CDK12: variants seen among roughly 807,000 people sequenced by gnomAD.
The protein encoded by CDK12 is cyclin-dependent kinase 12.
In CDK12, 17 loss-of-function variants were observed where a neutral mutation model predicts 133.8. The ratio of observed to expected loss-of-function variants is 0.13; its 90% CI spans 0.09 to 0.19. The LOEUF (loss-of-function observed/expected upper bound fraction) is 0.19, where lower values mean the gene tolerates loss of function less well. Ranked by LOEUF, CDK12 falls within the 10% of genes least tolerant of loss-of-function variation. The probability of loss-of-function intolerance (pLI) is 1.00; values close to 1 mark genes in which losing one functional copy is unlikely to be tolerated. For missense variants in CDK12, 1,508 were observed against 1,818.7 expected (o/e 0.83, Z 3.11); for synonymous variants, 694 against 683.6 (o/e 1.02, Z -0.24).
At chr17:39,523,475 CAAAAG>C (rs1011237203) in intron 11 of CDK12, among the ~76,000 whole-genome samples, 1 of 151,200 alleles carries the variant, frequency 6.6e-6, no homozygotes, top group Non-Finnish European at 1.5e-5. Flanking sequence ...GACTCTGTCT[CAAAAG>C]AAAAAGAAAA....
chr17:39,468,810 T>TTA (rs1567680850), intron 1 of CDK12, among the ~76,000 whole-genome samples: 69 of 147,434 alleles, frequency 4.7e-4, no homozygotes, highest in African/African-American at 1.3e-3. Context: ...TTAATTAATT[T>TTA]ATTTATTTAT....
intron 6 of CDK12, among the ~76,000 whole-genome samples, chr17:39,502,794 C>T (rs184006884): frequency 4.9e-4 from 74 of 152,186 alleles, no homozygotes; most frequent in South Asian, 1.9e-3. Context: ...GAAGCAGCTG[C>T]ATGCACAAAA....
chr17:39,538,128 T>C (rs2055226070), downstream of CDK12, among the ~76,000 whole-genome samples: 1 of 152,176 alleles, frequency 6.6e-6, no homozygotes, highest in Non-Finnish European at 1.5e-5. Flanking sequence ...TGTTAAGCAA[T>C]ATGTAAGGAC....
chr17:39,530,531 C>G, intron 13 of CDK12, 73 bp from the exon 14 acceptor site: 1 of 1,504,646 alleles, frequency 6.6e-7, no homozygotes, highest in Non-Finnish European at 8.9e-7. Flanking sequence ...TTATGTTGCA[C>G]AGTGTGTGTG....
chr17:39,486,140 A>G (rs1448194830), intron 2 of CDK12, among the ~76,000 whole-genome samples: 2 of 150,336 alleles, frequency 1.3e-5, no homozygotes, highest in African/African-American at 2.4e-5. Context: ...TTTAGTAGAG[A>G]TGCGGTTTCA....
rs998107126 is a variant in CDK12 at position 39,534,195 on chromosome 17, A to G, written c.*2879A>G. On this transcript the variant is annotated 3_prime_UTR_variant, in exon 14 of 14. Coordinates refer to ENST00000447079, the MANE Select transcript of CDK12 (RefSeq NM_016507.4). ...AGCAACATCAAATCTATACGTTTAA[A>G]GCAGGGCAGTTAGCACAAATTTGCA... 2.1e-5 allele frequency: 5 copies of G among 232,870 alleles called. No homozygotes were observed. The highest frequency in any genetic ancestry group is 3.4e-5 in the Non-Finnish European group (4 of 117,822). The allele number at this position is 232,870 out of a possible 1,614,324, so 14.4% of individuals were successfully genotyped here. A position where few individuals can be genotyped will look rare whatever the true frequency, so the allele number is the denominator to read the frequency against.
In CDK12 at chr17:39,555,653, G is replaced by T. The variant is rs141596408; in HGVS notation, n.357-633G>T. Among the ~76,000 whole-genome samples the T allele has an allele frequency of 6.6e-5, 10 of 151,938 alleles. No homozygotes were observed. In the East Asian group the frequency reaches 1.9e-3, roughly 29 times the overall value. On this transcript the variant is annotated intron_variant and non_coding_transcript_variant, in intron 2 of 3. Coordinates refer to the CDK12 transcript ENST00000558240. ...GTGAGGGGGATCTTGGGTCTTCCAG[G>T]CCAGGTGTAAGCAAATGTAGGGAGT...
At chr17:39,558,665 CG>C (rs546835620) in intron 3 of CDK12, among the ~76,000 whole-genome samples, 63 of 152,138 alleles carry the variant, frequency 4.1e-4, no homozygotes, top group African/African-American at 1.4e-3. Flanking sequence ...CTTTTTGAGA[CG>C]GAGTTTTGCT....
At chr17:39,514,156 C>G (rs1000564076) in intron 8 of CDK12, among the ~76,000 whole-genome samples, 1 of 152,040 alleles carries the variant, frequency 6.6e-6, no homozygotes, top group African/African-American at 2.4e-5. Flanking sequence ...TCGGCCTCAC[C>G]AAGTGCCAGG....
At chr17:39,523,494 A>C (rs952082983) in intron 11 of CDK12, among the ~76,000 whole-genome samples, 9 of 152,120 alleles carry the variant, frequency 5.9e-5, no homozygotes, top group African/African-American at 1.9e-4. Flanking sequence ...AAGAAAAAAA[A>C]AGTATTTTAT....
At chr17:39,484,222 A>G (rs775743203) in intron 2 of CDK12, among the ~76,000 whole-genome samples, 9 of 152,190 alleles carry the variant, frequency 5.9e-5, no homozygotes, top group Middle Eastern at 3.2e-3. Flanking sequence ...ATTCCAAAAT[A>G]CTATTCATAT....
At chr17:39,519,833 G>T (rs745368726) in intron 10 of CDK12, 123 bp from the exon 11 acceptor site, 1 of 946,208 alleles carries the variant, frequency 1.1e-6, no homozygotes. Flanking sequence ...CTGGCCTCAC[G>T]CAGTCCTACC....
chr17:39,537,535 A>G (rs1361840988), downstream of CDK12, among the ~76,000 whole-genome samples: 1 of 146,582 alleles, frequency 6.8e-6, no homozygotes, highest in African/African-American at 2.5e-5. Context: ...CTTGGGGTAT[A>G]ATTCCTTATT....
intron 2 of CDK12, among the ~76,000 whole-genome samples, chr17:39,489,061 C>G (rs941516456): frequency 1.3e-5 from 2 of 151,502 alleles, no homozygotes; most frequent in African/African-American, 4.9e-5. Context: ...GCTGGAATTA[C>G]ACCACCACAC....
intron 8 of CDK12, among the ~76,000 whole-genome samples, chr17:39,512,226 A>G (rs1464023126): frequency 6.6e-6 from 1 of 152,174 alleles, no homozygotes; most frequent in Non-Finnish European, 1.5e-5. Flanking sequence ...AATAGCTGTG[A>G]CTACAGGCGT....
chr17:39,551,832 G>C lies in CDK12; in HGVS notation n.356+690G>C, dbSNP rs111608796. Among the ~76,000 whole-genome samples, 863 of 152,224 alleles carry C rather than the reference G, an allele frequency of 5.7e-3. 4 individuals carry two copies. The highest frequency in any genetic ancestry group is 8.5e-3 in the Non-Finnish European group (580 of 68,004). On this transcript the variant is annotated intron_variant and non_coding_transcript_variant, in intron 2 of 3. Transcript: ENST00000558240. The stretch of plus-strand genomic sequence containing the variant: ...GGAGGGAAGAAATGAAGGAGAAAGG[G>C]GGTTCTCCCACTAGGTTGCCAAGGT...
Position 39,462,005 on chromosome 17 carries a change from G to T in CDK12, c.-67G>T. The T allele has an allele frequency of 7.6e-7, 1 of 1,308,396 alleles. No homozygotes were observed. The highest frequency in any genetic ancestry group is 1.1e-6 in the Non-Finnish European group (1 of 947,716). The allele number at this position is 1,308,396 out of a possible 1,614,324, so 81.0% of individuals were successfully genotyped here. A position where few individuals can be genotyped will look rare whatever the true frequency, so the allele number is the denominator to read the frequency against. On this transcript the variant is annotated 5_prime_UTR_variant, in exon 1 of 14. Transcript: ENST00000447079. Reference sequence around the variant, plus strand: ...TGGGCGTGGAGTTGGGGTTGGGGGGGTGGGTGGGGGTTGCTTTTTGGAGTG... The same window carrying T: ...TGGGCGTGGAGTTGGGGTTGGGGGGTTGGGTGGGGGTTGCTTTTTGGAGTG...
At chr17:39,511,743 G>A (rs1350446454) in intron 8 of CDK12, 113 bp downstream of exon 8, 5 of 518,808 alleles carry the variant, frequency 9.6e-6, no homozygotes, top group Non-Finnish European at 1.6e-5. Flanking sequence ...GAAGGATGGC[G>A]ATAAACTTTT....
At chr17:39,516,761 C>G (rs1200675450) in intron 9 of CDK12, among the ~76,000 whole-genome samples, 1 of 149,354 alleles carries the variant, frequency 6.7e-6, no homozygotes, top group Non-Finnish European at 1.5e-5. Flanking sequence ...CTCCCAGGTT[C>G]AAGCCATTCT....
Sources: allele counts gnomAD v4.1 joint callset (sites outside exome capture counted in the v4.1 genomes callset), GRCh38; gene constraint gnomAD v4.1.1; transcripts MANE v1.5; gene names NCBI Gene and HGNC (gene_info 2026-07-23, HGNC 2026-07-21).